Variants in TMEM47 observed in about 807,000 individuals in gnomAD.
TMEM47 encodes the protein brain cell membrane protein 1.
A neutral mutation model predicts 12.4 loss-of-function variants in TMEM47; 3 were observed. The ratio of observed to expected loss-of-function variants is 0.24; its 90% CI spans 0.11 to 0.63. The LOEUF (loss-of-function observed/expected upper bound fraction) is 0.63. TMEM47 is among the 20% of genes least tolerant of loss of function. TMEM47 has a pLI of 0.86. For missense variants in TMEM47, 89 were observed against 143.8 expected, an observed-to-expected ratio of 0.62 and a Z score of 1.95; for synonymous variants, 62 against 63.3, an observed-to-expected ratio of 0.98 and a Z score of 0.10.
At chrX:34,654,425 A>C (rs113744990) in intron 1 of TMEM47, among the ~76,000 whole-genome samples, 1,270 of 111,784 alleles carry the variant, frequency 0.011, 25 homozygotes, top group African/African-American at 0.039. Context: ...TCTTCAGAGA[A>C]GACATTTCCC....
chrX:34,634,164 T>C (rs927486146), intron 2 of TMEM47, among the ~76,000 whole-genome samples: 1 of 111,275 alleles, frequency 9.0e-6, no homozygotes, highest in African/African-American at 3.3e-5. Flanking sequence ...GCATTGGATA[T>C]GGTATTCTCT....
intron 1 of TMEM47, among the ~76,000 whole-genome samples, chrX:34,654,873 T>C: frequency 8.9e-6 from 1 of 111,963 alleles, no homozygotes; most frequent in Non-Finnish European, 1.9e-5. Flanking sequence ...TACGCTGGGC[T>C]ATGACTTTCA....
intron 1 of TMEM47, among the ~76,000 whole-genome samples, chrX:34,645,188 G>A (rs756317242): frequency 2.7e-5 from 3 of 111,250 alleles, no homozygotes; most frequent in African/African-American, 6.5e-5. Flanking sequence ...ATCAGGAACC[G>A]GAAATAGTAG....
At chrX:34,637,114 C>G (rs915427204) in intron 2 of TMEM47, among the ~76,000 whole-genome samples, 1 of 111,526 alleles carries the variant, frequency 9.0e-6, no homozygotes, top group Non-Finnish European at 1.9e-5. Context: ...GTGTCTAGCA[C>G]GTGGCACATG....
intron 1 of TMEM47, among the ~76,000 whole-genome samples, chrX:34,655,015 A>G (rs985147275): frequency 2.2e-4 from 25 of 111,698 alleles, no homozygotes; most frequent in African/African-American, 7.5e-4. Flanking sequence ...AGAGGAAAAA[A>G]GCTGAGATAA....
At position 34,657,056 on chromosome X, in the gene TMEM47, G is replaced by A. The variant is rs1438219756; in HGVS notation, c.-27C>T. 4.5e-6 allele frequency: 5 copies of A among 1,123,557 alleles called. No homozygotes were observed. The highest frequency in any genetic ancestry group is 4.7e-6 in the Non-Finnish European group (4 of 850,831). The allele number at this position is 1,123,557 out of a possible 1,213,427, so 92.6% of individuals were successfully genotyped here. A position where few individuals can be genotyped will look rare whatever the true frequency, so the allele number is the denominator to read the frequency against. The stretch of plus-strand genomic sequence containing the variant: ...CCTGGGCGCCGCTGTCGTCCGCCCC[G>A]CCGCAGGCGAGGACGCCAGGCGGGT... On this transcript the variant is annotated 5_prime_UTR_variant, in exon 1 of 3. Coordinates refer to ENST00000275954, the MANE Select transcript of TMEM47 (RefSeq NM_031442.4).
chrX:34,653,963 C>T (rs1922060918), intron 1 of TMEM47, among the ~76,000 whole-genome samples: 1 of 111,396 alleles, frequency 9.0e-6, no homozygotes, highest in South Asian at 3.7e-4. Flanking sequence ...AACTGTCCTC[C>T]ATACATTGAA....
chrX:34,653,529 A>G (rs1922052819), intron 1 of TMEM47, among the ~76,000 whole-genome samples: 1 of 111,877 alleles, frequency 8.9e-6, no homozygotes, highest in South Asian at 3.8e-4. Context: ...TACATTTTAA[A>G]GAAGAAATGT....
chrX:34,631,170 CAAAAAAAAAAAAAAAAAAAA>C (rs34845525), intron 2 of TMEM47, among the ~76,000 whole-genome samples: 36 of 18,565 alleles, frequency 1.9e-3, no homozygotes, highest in Admixed American at 6.9e-3. Context: ...GACTCTGTCT[CAAAAAAAAAAAAAAAAAAAA>C]AAAAAAAAAA....
At chrX:34,631,100 G>A (rs894359925) in intron 2 of TMEM47, among the ~76,000 whole-genome samples, 2 of 99,539 alleles carry the variant, frequency 2.0e-5, no homozygotes, top group Admixed American at 1.1e-4. Context: ...GAACCAGGGA[G>A]GGGGAGGTTG....
intron 2 of TMEM47, among the ~76,000 whole-genome samples, chrX:34,637,871 T>C (rs1028945733): frequency 3.0e-4 from 33 of 111,027 alleles, no homozygotes; most frequent in African/African-American, 1.0e-3. Flanking sequence ...TTTATTATTT[T>C]TTTTTCCTTG....
At chrX:34,637,629 CTTAT>C (rs1204145302) in intron 2 of TMEM47, among the ~76,000 whole-genome samples, 1 of 111,161 alleles carries the variant, frequency 9.0e-6, no homozygotes, top group African/African-American at 3.3e-5. Context: ...ATTACAGTTA[CTTAT>C]TTGTTTACAT....
At chrX:34,651,363 C>T (rs984225232) in intron 1 of TMEM47, among the ~76,000 whole-genome samples, 1 of 111,993 alleles carries the variant, frequency 8.9e-6, no homozygotes, top group Non-Finnish European at 1.9e-5. Flanking sequence ...CAGGGAGAGT[C>T]ACAGCTTTGC....
At position 34,657,206 on chromosome X, in the gene TMEM47, C is replaced by A. The variant is rs1053539859; in HGVS notation, c.-177G>T. 35 of 735,001 alleles carry A rather than the reference C, an allele frequency of 4.8e-5. No homozygotes were observed. The African/African-American group carries it at 7.6e-4, about 16-fold the overall frequency. 60.6% of individuals were successfully genotyped at this position (735,001 alleles called of 1,213,427 possible). A position where few individuals can be genotyped will look rare whatever the true frequency, so the allele number is the denominator to read the frequency against. ...GCCAAGGTGGGTCTGCGGAGGCGGC[C>A]GGCCGGGTGTGGGTCGTCGGCAGCC... On this transcript the variant is annotated 5_prime_UTR_variant, in exon 1 of 3. Coordinates refer to ENST00000275954, the MANE Select transcript of TMEM47 (RefSeq NM_031442.4).
Position 34,657,219 on chromosome X carries a change from G to A in TMEM47, c.-190C>T. 1.6e-6 allele frequency: 1 copy of A among 612,414 alleles called. No homozygotes were observed. Among genetic ancestry groups the A allele is most frequent in the Non-Finnish European group, 2.1e-6 (1 of 465,457 alleles). 50.5% of individuals were successfully genotyped at this position (612,414 alleles called of 1,213,427 possible). A position where few individuals can be genotyped will look rare whatever the true frequency, so the allele number is the denominator to read the frequency against. ...TGCGGAGGCGGCCGGCCGGGTGTGG[G>A]TCGTCGGCAGCCGCAGCGACGTCGA... On this transcript the variant is annotated 5_prime_UTR_variant, in exon 1 of 3. Transcript: ENST00000275954.
intron 2 of TMEM47, among the ~76,000 whole-genome samples, chrX:34,632,816 T>TA (rs929847565): frequency 2.1e-4 from 24 of 111,953 alleles, no homozygotes; most frequent in East Asian, 1.4e-3. Flanking sequence ...GCATTAATTT[T>TA]AAAAAAAGCC....
chrX:34,657,145 C>T lies in TMEM47; in HGVS notation c.-116G>A, dbSNP rs1922128470. On this transcript the variant is annotated 5_prime_UTR_variant, in exon 1 of 3. Transcript: ENST00000275954. Reference sequence around the variant, plus strand: ...CGCCGAGCTGCCACGCGCGGGGACTCGCTCCCTCGGGGCTCTGCGCGCCCC... The same window carrying T: ...CGCCGAGCTGCCACGCGCGGGGACTTGCTCCCTCGGGGCTCTGCGCGCCCC... 9.8e-7 allele frequency: 1 copy of T among 1,024,054 alleles called. No individual in the cohort carries two copies. Among genetic ancestry groups the T allele is most frequent in the South Asian group, 2.9e-5 (1 of 34,097 alleles). 84.4% of individuals were successfully genotyped at this position (1,024,054 alleles called of 1,213,427 possible).
intron 2 of TMEM47, among the ~76,000 whole-genome samples, chrX:34,630,765 GCATA>G (rs1170476889): frequency 9.1e-6 from 1 of 110,152 alleles, no homozygotes; most frequent in Non-Finnish European, 1.9e-5. Flanking sequence ...ATTTATATGA[GCATA>G]CAAAGTAGTG....
intron 1 of TMEM47, among the ~76,000 whole-genome samples, chrX:34,642,494 C>T (rs1921836463): frequency 9.0e-6 from 1 of 111,686 alleles, no homozygotes; most frequent in Admixed American, 9.5e-5. Flanking sequence ...GTAAAAGGGA[C>T]TAGAACCTAA....
Sources: gnomAD v4.1 joint callset for allele counts (sites outside exome capture counted in the v4.1 genomes callset) on GRCh38, gnomAD v4.1.1 for gene constraint, MANE v1.5 for transcripts, NCBI Gene and HGNC (gene_info 2026-07-23, HGNC 2026-07-21) for gene names.